Variants in RALYL observed in about 807,000 individuals in gnomAD.
RALYL encodes the protein RALY RNA binding protein like.
RALYL carries 29 observed loss-of-function variants against 35.1 expected under a neutral mutation model. The ratio of observed to expected loss-of-function variants is 0.83; its 90% CI spans 0.61 to 1.13. RALYL has a LOEUF of 1.13. RALYL is among the 50% of genes most tolerant of loss of function. RALYL has a pLI of 0.00. For missense variants in RALYL, 359 were observed against 360.4 expected, an observed-to-expected ratio of 1.00 and a Z score of 0.03; for synonymous variants, 120 against 127.6, an observed-to-expected ratio of 0.94 and a Z score of 0.40.
At chr8:84,725,002 A>G (rs930790797) in intron 2 of RALYL, among the ~76,000 whole-genome samples, 4 of 151,702 alleles carry the variant, frequency 2.6e-5, no homozygotes, top group African/African-American at 9.7e-5. Flanking sequence ...TTGATGTGCT[A>G]TCAACCTGCT....
At chr8:84,541,371 G>A (rs1009952496) in intron 2 of RALYL, among the ~76,000 whole-genome samples, 122 of 151,654 alleles carry the variant, frequency 8.0e-4, no homozygotes, top group African/African-American at 2.8e-3. Flanking sequence ...GTTATTGAGA[G>A]GTTTGTTACT....
intron 2 of RALYL, among the ~76,000 whole-genome samples, chr8:84,576,636 T>C (rs908494703): frequency 6.6e-6 from 1 of 152,168 alleles, no homozygotes; most frequent in African/African-American, 2.4e-5. Flanking sequence ...ACTATACTTA[T>C]CCATAAGGTA....
intron 2 of RALYL, among the ~76,000 whole-genome samples, chr8:84,643,979 A>T (rs560652684): frequency 6.6e-6 from 1 of 152,140 alleles, no homozygotes; most frequent in African/African-American, 2.4e-5. Flanking sequence ...AAACTTGCAG[A>T]TGGGTCTCTA....
rs368859850 is a variant in RALYL, at chr8:84,770,292, G to A, written c.257-4287G>A. On this transcript the variant is annotated intron_variant, in intron 2 of 8. Transcript: ENST00000521268. ...CTCCCACTTATGAGTGAGAACACAC[G>A]ATGTTTGGTTTTCTATTCCTGTGTT... Among the ~76,000 whole-genome samples, 8 of 151,786 alleles carry A rather than the reference G, an allele frequency of 5.3e-5. No individual in the cohort carries two copies. The South Asian group carries it at 1.5e-3, about 28-fold the overall frequency.
chr8:84,827,979 A>T (rs1830068495), intron 4 of RALYL, among the ~76,000 whole-genome samples: 1 of 151,870 alleles, frequency 6.6e-6, no homozygotes, highest in African/African-American at 2.4e-5. Flanking sequence ...TTTTACTTTG[A>T]ATCTCCTCAC....
At chr8:84,533,912 CCCGTCA>C (rs1222056237) in intron 2 of RALYL, among the ~76,000 whole-genome samples, 2 of 152,196 alleles carry the variant, frequency 1.3e-5, no homozygotes, top group Admixed American at 6.5e-5. Context: ...TGTAACAATT[CCCGTCA>C]AGCATGTGCT....
At chr8:84,562,753 C>CCTA (rs1350114417) in intron 2 of RALYL, among the ~76,000 whole-genome samples, 1 of 151,820 alleles carries the variant, frequency 6.6e-6, no homozygotes, top group Admixed American at 6.6e-5. Flanking sequence ...CAACTAGAGG[C>CCTA]CTACTGAATC....
chr8:84,553,569 G>A (rs991225407), intron 2 of RALYL, among the ~76,000 whole-genome samples: 3 of 152,234 alleles, frequency 2.0e-5, no homozygotes, highest in Non-Finnish European at 2.9e-5. Flanking sequence ...TCCCTCAAAC[G>A]AGACATGTTT....
chr8:84,679,722 T>G (rs888009685), intron 2 of RALYL: 2 of 521,786 alleles, frequency 3.8e-6, no homozygotes, highest in Non-Finnish European at 7.8e-6. Flanking sequence ...CAAGGCAATA[T>G]TAAGTGCTGA....
chr8:84,262,881 G>T (rs936412636), intron 1 of RALYL, among the ~76,000 whole-genome samples: 1 of 152,030 alleles, frequency 6.6e-6, no homozygotes, highest in Non-Finnish European at 1.5e-5. Flanking sequence ...ATGTGTGGTT[G>T]GTCACTGTAA....
At chr8:84,311,090 A>AAAAAAAAAAAATATAT (rs1554614840) in intron 1 of RALYL, among the ~76,000 whole-genome samples, 5 of 99,770 alleles carry the variant, frequency 5.0e-5, no homozygotes, top group East Asian at 3.5e-4. Flanking sequence ...AAAAAAAAAA[A>AAAAAAAAAAAATATAT]ATGTATATTA....
intron 2 of RALYL, among the ~76,000 whole-genome samples, chr8:84,536,748 C>A (rs2059636940): frequency 6.6e-6 from 1 of 152,124 alleles, no homozygotes; most frequent in South Asian, 2.1e-4. Context: ...TTAGCTTTTG[C>A]CTCAGTGTCT....
chr8:84,571,543 T>C (rs1807984127), intron 2 of RALYL, among the ~76,000 whole-genome samples: 1 of 151,784 alleles, frequency 6.6e-6, no homozygotes, highest in African/African-American at 2.4e-5. Flanking sequence ...CAATTTTGTT[T>C]ATCCTTTCAA....
At chr8:84,730,589 C>A (rs890119769) in intron 2 of RALYL, among the ~76,000 whole-genome samples, 4 of 152,114 alleles carry the variant, frequency 2.6e-5, no homozygotes, top group Non-Finnish European at 5.9e-5. Flanking sequence ...AAGAGGAAGT[C>A]AAATTGTCCC....
rs567147987 is a variant in RALYL at position 84,735,055 on chromosome 8, A to T, written c.257-39524A>T. Among the ~76,000 whole-genome samples the T allele has an allele frequency of 2.0e-5, 3 of 150,546 alleles. No homozygotes were observed. The South Asian group carries it at 6.3e-4, about 32-fold the overall frequency. On this transcript the variant is annotated intron_variant, in intron 2 of 8. Transcript: ENST00000521268. ...TGTGTGTGTATTCCATTTACCTGAAAGTTCAGTCACATTTTATTGGCCACA... is the reference window on the plus strand; with the variant it reads ...TGTGTGTGTATTCCATTTACCTGAATGTTCAGTCACATTTTATTGGCCACA...
chr8:84,395,619 C>T (rs1418356308), intron 1 of RALYL, among the ~76,000 whole-genome samples: 1 of 151,836 alleles, frequency 6.6e-6, no homozygotes, highest in African/African-American at 2.4e-5. Context: ...ACATTTGGCA[C>T]ATTACGTATG....
chr8:84,569,044 T>G (rs1387965162), intron 2 of RALYL, among the ~76,000 whole-genome samples: 1 of 149,380 alleles, frequency 6.7e-6, no homozygotes. Flanking sequence ...AGAAGCTCTT[T>G]AGTTTAATTA....
At chr8:84,486,638 A>T (rs548970652) in intron 1 of RALYL, among the ~76,000 whole-genome samples, 2 of 152,188 alleles carry the variant, frequency 1.3e-5, no homozygotes, top group Admixed American at 6.5e-5. Flanking sequence ...AAAACATTTA[A>T]TATGCAGCTA....
chr8:84,415,462 A>G (rs1349708527), intron 1 of RALYL, among the ~76,000 whole-genome samples: 2 of 151,278 alleles, frequency 1.3e-5, no homozygotes, highest in Non-Finnish European at 3.0e-5. Context: ...CTGGTCTGGA[A>G]CTCCTGACCT....
Sources: allele counts gnomAD v4.1 joint callset (sites outside exome capture counted in the v4.1 genomes callset), GRCh38; gene constraint gnomAD v4.1.1; transcripts MANE v1.5; gene names NCBI Gene and HGNC (gene_info 2026-07-23, HGNC 2026-07-21).